FHIT: variants seen among roughly 807,000 people sequenced by gnomAD.
The protein encoded by FHIT is fragile histidine triad diadenosine triphosphatase, also known as bis(5'-adenosyl)-triphosphatase.
A neutral mutation model predicts 17.9 loss-of-function variants in FHIT; 19 were observed. The ratio of observed to expected loss-of-function variants is 1.06; its 90% CI spans 0.74 to 1.56. The LOEUF is 1.56. Ranked by LOEUF, FHIT falls within the 40% of genes most tolerant of loss-of-function variation. The pLI is 0.00. For synonymous variants in FHIT, 81 were observed against 69.7 expected (o/e 1.16, Z -0.81); for missense variants, 248 against 189.2 (o/e 1.31, Z -1.82).
At chr3:60,308,574 C>G (rs376933082) in intron 5 of FHIT, among the ~76,000 whole-genome samples, 18 of 131,864 alleles carry the variant, frequency 1.4e-4, no homozygotes, top group African/African-American at 4.8e-4. Flanking sequence ...TACATTGGGT[C>G]CCCCCCCAAC....
intron 4 of FHIT, among the ~76,000 whole-genome samples, chr3:60,768,842 C>A (rs182294125): frequency 6.6e-6 from 1 of 152,212 alleles, no homozygotes; most frequent in Non-Finnish European, 1.5e-5. Flanking sequence ...GATTAATATA[C>A]CAATCCTGAA....
intron 5 of FHIT, among the ~76,000 whole-genome samples, chr3:60,115,868 A>G (rs1256625538): frequency 2.2e-5 from 3 of 137,412 alleles, no homozygotes; most frequent in African/African-American, 7.9e-5. Context: ...ATCTACAAAG[A>G]CCTATCCATA....
intron 5 of FHIT, among the ~76,000 whole-genome samples, chr3:60,110,952 G>C (rs1333031582): frequency 1.3e-5 from 2 of 152,142 alleles, no homozygotes; most frequent in Admixed American, 6.5e-5. Context: ...CCTGTCCCAT[G>C]AAACAATTCC....
At chr3:60,750,917 T>G (rs1480604561) in intron 4 of FHIT, among the ~76,000 whole-genome samples, 1 of 152,118 alleles carries the variant, frequency 6.6e-6, no homozygotes, top group Non-Finnish European at 1.5e-5. Flanking sequence ...ATCCCACCCC[T>G]CTTAATACTA....
chr3:60,226,673 A>T (rs925127265), intron 5 of FHIT, among the ~76,000 whole-genome samples: 2 of 152,056 alleles, frequency 1.3e-5, no homozygotes, highest in Non-Finnish European at 2.9e-5. Context: ...GTCTCTCGAG[A>T]CTAGATATAG....
chr3:59,760,044 T>A (rs1440257942), intron 8 of FHIT, among the ~76,000 whole-genome samples: 2 of 152,208 alleles, frequency 1.3e-5, no homozygotes, highest in African/African-American at 2.4e-5. Context: ...CTGTGAAAGT[T>A]CAAAAGCCCA....
At chr3:60,319,974 G>A (rs1054591521) in intron 5 of FHIT, among the ~76,000 whole-genome samples, 3 of 152,086 alleles carry the variant, frequency 2.0e-5, no homozygotes, top group Non-Finnish European at 4.4e-5. Context: ...TCACAAAACC[G>A]CAGTCACTGG....
Position 60,816,589 on chromosome 3 carries a change from T to TG in FHIT, c.-18+5329dup, listed in dbSNP as rs549956277. Among the ~76,000 whole-genome samples the TG allele has an allele frequency of 6.5e-3, 988 of 152,216 alleles. 7 individuals are homozygous for TG. The highest frequency in any genetic ancestry group is 0.023 in the African/African-American group (951 of 41,564). ...TTTGCATGCCAGAATGAAGCCTACTTGATCATGGTAAATTAACCTTTTGAT... is the reference window on the plus strand; with the variant it reads ...TTTGCATGCCAGAATGAAGCCTACTTGGATCATGGTAAATTAACCTTTTGAT... On this transcript the variant is annotated intron_variant, in intron 4 of 9. Coordinates refer to ENST00000492590, the MANE Select transcript of FHIT (RefSeq NM_002012.4).
At chr3:60,454,716 T>C (rs946367244) in intron 5 of FHIT, among the ~76,000 whole-genome samples, 25 of 152,102 alleles carry the variant, frequency 1.6e-4, no homozygotes, top group African/African-American at 6.0e-4. Flanking sequence ...AAATATATCT[T>C]CTTAATAAAA....
At chr3:60,206,433 T>C (rs377699006) in intron 5 of FHIT, among the ~76,000 whole-genome samples, 1 of 152,116 alleles carries the variant, frequency 6.6e-6, no homozygotes, top group African/African-American at 2.4e-5. Flanking sequence ...CAAATCTGGG[T>C]AGATGTTGAC....
intron 5 of FHIT, among the ~76,000 whole-genome samples, chr3:60,443,787 T>C (rs1229034580): frequency 6.6e-6 from 1 of 152,068 alleles, no homozygotes; most frequent in Non-Finnish European, 1.5e-5. Flanking sequence ...GCCGGCCTCA[T>C]ACTTCATGTC....
chr3:60,124,009 TAGAGAG>T (rs1168094593), intron 5 of FHIT, among the ~76,000 whole-genome samples: 41 of 12,134 alleles, frequency 3.4e-3, no homozygotes, highest in East Asian at 0.013. Context: ...TATATATATA[TAGAGAG>T]AGAGAGAGAG....
chr3:60,613,601 T>A (rs2038851590), intron 4 of FHIT, among the ~76,000 whole-genome samples: 1 of 152,154 alleles, frequency 6.6e-6, no homozygotes, highest in Non-Finnish European at 1.5e-5. Flanking sequence ...TATGCTCCAT[T>A]TTCAACTCCC....
At chr3:60,819,780 A>G (rs1414199637) in intron 4 of FHIT, among the ~76,000 whole-genome samples, 2 of 152,318 alleles carry the variant, frequency 1.3e-5, no homozygotes, top group East Asian at 3.9e-4. Flanking sequence ...AAGAGCACAC[A>G]GCAAACAGTA....
At chr3:60,942,559 TTC>T (rs139616033) in intron 3 of FHIT, among the ~76,000 whole-genome samples, 27 of 150,340 alleles carry the variant, frequency 1.8e-4, no homozygotes, top group East Asian at 5.8e-4. Flanking sequence ...CTGTTTGTAT[TTC>T]TCTCTCTCTC....
chr3:59,774,090 G>C (rs1702195314), intron 8 of FHIT, among the ~76,000 whole-genome samples: 3 of 152,014 alleles, frequency 2.0e-5, no homozygotes, highest in African/African-American at 2.4e-5. Context: ...GTTTATTTTG[G>C]ACAGGGCTGC....
At chr3:61,118,148 A>C (rs895910067) in intron 2 of FHIT, among the ~76,000 whole-genome samples, 2 of 152,200 alleles carry the variant, frequency 1.3e-5, no homozygotes, top group Non-Finnish European at 2.9e-5. Context: ...AGCAAGGTCC[A>C]ACATTTTATT....
intron 5 of FHIT, among the ~76,000 whole-genome samples, chr3:60,394,782 C>A (rs1218800355): frequency 1.3e-5 from 2 of 152,158 alleles, no homozygotes; most frequent in Non-Finnish European, 2.9e-5. Context: ...CTGCTGTCAG[C>A]ATCACTACCA....
chr3:60,657,435 G>T (rs1282650455), intron 4 of FHIT, among the ~76,000 whole-genome samples: 2 of 152,172 alleles, frequency 1.3e-5, no homozygotes, highest in Non-Finnish European at 2.9e-5. Flanking sequence ...GGCAAAATGA[G>T]CTCCTTGTCC....
Sources: gnomAD v4.1 joint callset for allele counts (sites outside exome capture counted in the v4.1 genomes callset) on GRCh38, gnomAD v4.1.1 for gene constraint, MANE v1.5 for transcripts, NCBI Gene and HGNC (gene_info 2026-07-23, HGNC 2026-07-21) for gene names.